The following VCL variants were observed in gnomAD, a reference collection of about 807,000 sequenced individuals.
The protein encoded by VCL is epididymis luminal protein 114.
A neutral mutation model predicts 125.7 loss-of-function variants in VCL; 47 were observed. That is an observed-to-expected ratio of 0.37 (90% CI 0.30 to 0.48). The LOEUF is 0.48. Among genes scored for constraint, VCL ranks in the 20% least tolerant of loss-of-function variants. VCL has a pLI of 0.99. For missense variants in VCL, 1,069 were observed against 1,455.5 expected (o/e 0.73, Z 4.32); for synonymous variants, 458 against 514.6 (o/e 0.89, Z 1.49).
Position 74,085,688 on chromosome 10 carries a change from A to T in VCL, c.1022+2175A>T, listed in dbSNP as rs930207217. On this transcript the variant is annotated intron_variant, in intron 8 of 21. Coordinates refer to ENST00000211998, the MANE Select transcript of VCL (RefSeq NM_014000.3). The stretch of plus-strand genomic sequence containing the variant: ...AGAATTTTATGGTATGGACATTACG[A>T]AAACTTGGAATAGGATGAGACACTC... Among the ~76,000 whole-genome samples the T allele has an allele frequency of 4.6e-5, 7 of 152,138 alleles. No individual in the cohort carries two copies. The East Asian group carries it at 1.3e-3, about 29-fold the overall frequency.
At position 74,103,948 on chromosome 10, in the gene VCL, T is replaced by A; in HGVS notation, c.2131+20T>A. 1 of 1,607,362 alleles carries A rather than the reference T, an allele frequency of 6.2e-7. No individual in the cohort carries two copies. ...TGACAGGTAGAGTTTTCTATACAAA[T>A]CTTGTTGTCTAATCCATGAAGAATG... On this transcript the variant is annotated intron_variant, in intron 15 of 21. Coordinates refer to ENST00000211998, the MANE Select transcript of VCL (RefSeq NM_014000.3).
At chr10:74,081,162 C>T (rs938500253) in intron 6 of VCL, among the ~76,000 whole-genome samples, 3 of 152,028 alleles carry the variant, frequency 2.0e-5, no homozygotes, top group Non-Finnish European at 4.4e-5. Flanking sequence ...TTTTTCATTG[C>T]TATAGCTGAG....
At chr10:74,002,277 C>CT in intron 1 of VCL, among the ~76,000 whole-genome samples, 1 of 152,174 alleles carries the variant, frequency 6.6e-6, no homozygotes, top group East Asian at 1.9e-4. Flanking sequence ...AGGCATGTGC[C>CT]ACCACGCCCG....
At chr10:74,031,194 CCCATTA>C (rs1411995452) in intron 1 of VCL, among the ~76,000 whole-genome samples, 1 of 152,140 alleles carries the variant, frequency 6.6e-6, no homozygotes. Context: ...GAAGATATAG[CCCATTA>C]CCCCACAGTT....
intron 1 of VCL, among the ~76,000 whole-genome samples, chr10:74,029,682 G>A (rs1840838699): frequency 6.6e-6 from 1 of 152,206 alleles, no homozygotes; most frequent in African/African-American, 2.4e-5. Context: ...CCTAGCCTAT[G>A]TGATTGTGTT....
At chr10:74,058,622 C>T (rs962255591) in intron 2 of VCL, among the ~76,000 whole-genome samples, 14 of 149,798 alleles carry the variant, frequency 9.3e-5, no homozygotes, top group Admixed American at 2.0e-4. Context: ...GAAAGTTGAA[C>T]GTGAATGTTT....
At chr10:74,069,770 TTGAA>T (rs1841634161) in intron 2 of VCL, among the ~76,000 whole-genome samples, 1 of 152,132 alleles carries the variant, frequency 6.6e-6, no homozygotes, top group Non-Finnish European at 1.5e-5. Context: ...GGATGAGTAA[TTGAA>T]TGAATGAATG....
At chr10:74,033,244 A>G (rs559789510) in intron 1 of VCL, among the ~76,000 whole-genome samples, 136 of 152,370 alleles carry the variant, frequency 8.9e-4, no homozygotes, top group Non-Finnish European at 1.6e-3. Flanking sequence ...GAAGCTAGTC[A>G]CTAAAGAGCA....
In VCL at chr10:74,114,312, A is replaced by G. The variant is rs1840276159; in HGVS notation, c.3078A>G (p.Ser1026=). The G allele has an allele frequency of 6.2e-7, 1 of 1,614,108 alleles. No individual in the cohort carries two copies. Residue 1026 remains serine, a synonymous_variant, in exon 20 of 22, where the codon TCA becomes TCG. Coordinates refer to ENST00000211998, the MANE Select transcript of VCL (RefSeq NM_014000.3). ...IQCAKDIAKA[S]DEVTRLAKEV... is the part of the protein sequence containing the mutation. The stretch of plus-strand genomic sequence containing the variant: ...GTGCCAAGGACATCGCCAAGGCCTC[A>G]GATGAGGTGACTCGGTTGGCCAAGG...
At chr10:74,020,879 CAGT>C (rs1239443257) in intron 1 of VCL, among the ~76,000 whole-genome samples, 2 of 129,724 alleles carry the variant, frequency 1.5e-5, no homozygotes, top group African/African-American at 5.8e-5. Flanking sequence ...AGAGATAAAA[CAGT>C]AGGGTAATCT....
chr10:74,094,134 TAAAC>T, intron 10 of VCL, 133 bp from the exon 11 acceptor site: 1 of 1,023,544 alleles, frequency 9.8e-7, no homozygotes, highest in South Asian at 1.6e-5. Flanking sequence ...GCCAAATAAA[TAAAC>T]CACTCCTTTC....
chr10:74,004,807 C>T (rs1421125913), intron 1 of VCL, among the ~76,000 whole-genome samples: 4 of 151,896 alleles, frequency 2.6e-5, no homozygotes, highest in Non-Finnish European at 4.4e-5. Flanking sequence ...TGGGTTCAAG[C>T]GATTCTCCTG....
chr10:73,998,421 C>T, intron 1 of VCL, 46 bp downstream of exon 1: 2 of 1,342,058 alleles, frequency 1.5e-6, no homozygotes. Context: ...GGAGGTATCC[C>T]CGGGGCCCCG....
At chr10:74,019,407 C>G (rs1451580672) in intron 1 of VCL, among the ~76,000 whole-genome samples, 1 of 151,876 alleles carries the variant, frequency 6.6e-6, no homozygotes, top group Non-Finnish European at 1.5e-5. Context: ...CTCCCCTTGT[C>G]CCCCATCCCC....
At chr10:74,009,051 A>G (rs149370182) in intron 1 of VCL, among the ~76,000 whole-genome samples, 23 of 152,304 alleles carry the variant, frequency 1.5e-4, no homozygotes, top group African/African-American at 3.4e-4. Flanking sequence ...AAGATAGAGA[A>G]GAAATTTGAT....
At chr10:74,043,376 C>A (rs1021768911) in intron 2 of VCL, among the ~76,000 whole-genome samples, 9 of 149,380 alleles carry the variant, frequency 6.0e-5, no homozygotes, top group Admixed American at 4.7e-4. Context: ...GACGGAGTTT[C>A]ACCCTCGTCA....
At chr10:74,107,111 T>G in intron 16 of VCL, 119 bp from the exon 17 acceptor site, 13 of 1,539,440 alleles carry the variant, frequency 8.4e-6, no homozygotes, top group East Asian at 2.3e-5. Context: ...TCACTGCCCG[T>G]GATATTTACT....
At chr10:74,042,060 A>T (rs1841103092) in intron 1 of VCL, among the ~76,000 whole-genome samples, 1 of 152,252 alleles carries the variant, frequency 6.6e-6, no homozygotes, top group African/African-American at 2.4e-5. Context: ...AACCAGTAGA[A>T]TATTTTAAAA....
In VCL at chr10:74,015,421, G is replaced by A. The variant is rs1371843791; in HGVS notation, c.168+17046G>A. ...CACGAAAAATTAGCCGGGCGTGGTG[G>A]CTTGCGCCTGTAATCCCAGCTACTC... On this transcript the variant is annotated intron_variant, in intron 1 of 21. Coordinates refer to ENST00000211998, the MANE Select transcript of VCL (RefSeq NM_014000.3). Among the ~76,000 whole-genome samples the A allele has an allele frequency of 2.0e-5, 3 of 152,252 alleles. No individual in the cohort carries two copies. In the East Asian group the frequency reaches 5.8e-4, roughly 30 times the overall value.
Sources: gnomAD v4.1 joint callset for allele counts (sites outside exome capture counted in the v4.1 genomes callset) on GRCh38, gnomAD v4.1.1 for gene constraint, MANE v1.5 for transcripts, NCBI Gene and HGNC (gene_info 2026-07-23, HGNC 2026-07-21) for gene names.